MYRIP: variants seen among roughly 807,000 people sequenced by gnomAD.
The protein encoded by MYRIP is rab effector MyRIP.
In MYRIP, 49 loss-of-function variants were observed where a neutral mutation model predicts 98.0. That is an observed-to-expected ratio of 0.50 (90% CI 0.40 to 0.63). The LOEUF (loss-of-function observed/expected upper bound fraction) is 0.63, where lower values mean the gene tolerates loss of function less well. Ranked by LOEUF, MYRIP falls within the 30% of genes least tolerant of loss-of-function variation. The pLI, the probability that MYRIP is intolerant of heterozygous loss-of-function variation, is 0.00. For synonymous variants in MYRIP, 404 were observed against 409.5 expected, an observed-to-expected ratio of 0.99 and a Z score of 0.16; for missense variants, 1,004 against 1,058.2, an observed-to-expected ratio of 0.95 and a Z score of 0.71.
chr3:39,959,924 G>C (rs567539206), intron 2 of MYRIP, among the ~76,000 whole-genome samples: 2 of 152,198 alleles, frequency 1.3e-5, no homozygotes, highest in East Asian at 3.9e-4. Flanking sequence ...CCCCCCATGT[G>C]AGCAGGCTGA....
chr3:40,223,492 TAATA>T (rs1365270155), intron 11 of MYRIP, among the ~76,000 whole-genome samples: 1 of 152,212 alleles, frequency 6.6e-6, no homozygotes, highest in Non-Finnish European at 1.5e-5. Context: ...GACAGCTTTT[TAATA>T]AATAGTGTTT....
chr3:40,196,257 A>C (rs1006250950), intron 10 of MYRIP, among the ~76,000 whole-genome samples: 3 of 151,678 alleles, frequency 2.0e-5, no homozygotes, highest in Admixed American at 6.6e-5. Flanking sequence ...TTCTACTTTT[A>C]TATTTATTAA....
Position 39,831,229 on chromosome 3 carries a change from C to A in MYRIP, c.-31+21313C>A, listed in dbSNP as rs116666811. ...GTTTATTTATCTTACCTCCTATAGA[C>A]TCATCTTGTTTCATGGTTTTAATTA... On this transcript the variant is annotated intron_variant, in intron 1 of 16. Coordinates refer to ENST00000302541, the MANE Select transcript of MYRIP (RefSeq NM_015460.4). Among the ~76,000 whole-genome samples, 1,464 of 152,204 alleles carry A rather than the reference C, an allele frequency of 9.6e-3. 17 individuals carry two copies. Among genetic ancestry groups the A allele is most frequent in the African/African-American group, 0.033 (1,390 of 41,514 alleles).
chr3:40,139,731 T>C (rs1274963545), intron 3 of MYRIP, among the ~76,000 whole-genome samples: 4 of 152,002 alleles, frequency 2.6e-5, no homozygotes, highest in African/African-American at 9.7e-5. Flanking sequence ...AGGCACATGC[T>C]ACCACACCCA....
chr3:39,861,912 C>A (rs894498614), intron 1 of MYRIP, among the ~76,000 whole-genome samples: 3 of 152,158 alleles, frequency 2.0e-5, no homozygotes, highest in Admixed American at 2.0e-4. Flanking sequence ...ACTTGGAAAA[C>A]ATATTTCAGG....
chr3:40,164,639 A>G (rs1575589441), intron 5 of MYRIP, among the ~76,000 whole-genome samples: 1 of 152,194 alleles, frequency 6.6e-6, no homozygotes, highest in South Asian at 2.1e-4. Flanking sequence ...ACGTTGACAC[A>G]TTGACCATCC....
At chr3:39,861,063 G>A (rs1942453713) in intron 1 of MYRIP, among the ~76,000 whole-genome samples, 1 of 152,230 alleles carries the variant, frequency 6.6e-6, no homozygotes, top group Non-Finnish European at 1.5e-5. Flanking sequence ...ACCCACTAGT[G>A]GAGCGCTTTG....
chr3:39,827,102 A>C lies in MYRIP; in HGVS notation c.-31+17186A>C, dbSNP rs542983953. On this transcript the variant is annotated intron_variant, in intron 1 of 16. Coordinates refer to ENST00000302541, the MANE Select transcript of MYRIP (RefSeq NM_015460.4). ...GCATATAGTAGGGTTTTGCATTTTA[A>C]TTTTTAATTTTTTGTTTGTTTGTTT... 3.9e-5 allele frequency among the ~76,000 whole-genome samples: 6 copies of C among 151,926 alleles called. No homozygotes were observed. In the East Asian group the frequency reaches 1.2e-3, roughly 30 times the overall value.
intron 3 of MYRIP, among the ~76,000 whole-genome samples, chr3:40,120,481 C>G (rs540555448): frequency 6.6e-6 from 1 of 152,130 alleles, no homozygotes; most frequent in Non-Finnish European, 1.5e-5. Context: ...GTCAGGACAT[C>G]GGTGAGGCAG....
At chr3:39,813,987 G>A (rs1940788583) in intron 1 of MYRIP, among the ~76,000 whole-genome samples, 1 of 151,984 alleles carries the variant, frequency 6.6e-6, no homozygotes, top group Non-Finnish European at 1.5e-5. Flanking sequence ...TTTTAGCTTA[G>A]CATTCCTTTG....
At chr3:40,168,753 G>T (rs965128933) in intron 7 of MYRIP, among the ~76,000 whole-genome samples, 5 of 152,196 alleles carry the variant, frequency 3.3e-5, no homozygotes. Flanking sequence ...CTTAGCTCTA[G>T]CTTATGGTTA....
chr3:39,985,188 G>C (rs1168068524), intron 2 of MYRIP, among the ~76,000 whole-genome samples: 2 of 151,050 alleles, frequency 1.3e-5, no homozygotes, highest in South Asian at 2.1e-4. Flanking sequence ...GCCAAATCAT[G>C]AGTGAACTCC....
intron 1 of MYRIP, among the ~76,000 whole-genome samples, chr3:39,887,040 C>G (rs978505872): frequency 2.2e-4 from 33 of 151,896 alleles, no homozygotes; most frequent in Admixed American, 1.2e-3. Context: ...GAATCTCACT[C>G]AAAACCACTC....
intron 2 of MYRIP, among the ~76,000 whole-genome samples, chr3:40,040,843 A>AG (rs1194340073): frequency 1.3e-4 from 5 of 39,168 alleles, no homozygotes; most frequent in Admixed American, 3.0e-4. Context: ...GGGTCGGGGG[A>AG]GGGGGGAGGG....
At chr3:39,922,008 C>G (rs1228290211) in intron 2 of MYRIP, among the ~76,000 whole-genome samples, 1 of 151,770 alleles carries the variant, frequency 6.6e-6, no homozygotes, top group Non-Finnish European at 1.5e-5. Context: ...CTCACCATAT[C>G]TAAGACAAAC....
intron 3 of MYRIP, among the ~76,000 whole-genome samples, chr3:40,113,174 C>T (rs1043831320): frequency 1.3e-5 from 2 of 152,244 alleles, no homozygotes; most frequent in Non-Finnish European, 2.9e-5. Context: ...GATGGAGTTT[C>T]ACTCAGTTGC....
intron 1 of MYRIP, among the ~76,000 whole-genome samples, chr3:39,832,386 T>C (rs964480858): frequency 6.6e-6 from 1 of 152,242 alleles, no homozygotes; most frequent in Non-Finnish European, 1.5e-5. Context: ...GCACAGAGAC[T>C]GAGAGCTTGT....
rs558545814 is a variant in MYRIP at position 40,015,729 on chromosome 3, C to A, written c.111-28321C>A. Among the ~76,000 whole-genome samples the A allele has an allele frequency of 2.0e-5, 3 of 152,322 alleles. No homozygotes were observed. In the East Asian group the frequency reaches 5.8e-4, roughly 29 times the overall value. ...TCTGCAGCAGGGACTTCTGTGCATGCTTGCACTTGGCAATTGATCTTATTT... is the reference window on the plus strand; with the variant it reads ...TCTGCAGCAGGGACTTCTGTGCATGATTGCACTTGGCAATTGATCTTATTT... On this transcript the variant is annotated intron_variant, in intron 2 of 16. Coordinates refer to ENST00000302541, the MANE Select transcript of MYRIP (RefSeq NM_015460.4).
intron 16 of MYRIP, among the ~76,000 whole-genome samples, chr3:40,253,777 G>C (rs1012302937): frequency 6.6e-5 from 10 of 152,328 alleles, no homozygotes; most frequent in Admixed American, 3.9e-4. Flanking sequence ...TAGCAGTAGG[G>C]ACGGGGGTTC....
Sources: allele counts gnomAD v4.1 joint callset (sites outside exome capture counted in the v4.1 genomes callset), GRCh38; gene constraint gnomAD v4.1.1; transcripts MANE v1.5; gene names NCBI Gene and HGNC (gene_info 2026-07-23, HGNC 2026-07-21).